ZNF407: variants seen among roughly 807,000 people sequenced by gnomAD.
ZNF407 encodes the protein zinc finger protein 407.
A neutral mutation model predicts 131.2 loss-of-function variants in ZNF407; 17 were observed. The ratio of observed to expected loss-of-function variants is 0.13; its 90% CI spans 0.09 to 0.19. The LOEUF is 0.19. Among genes scored for constraint, ZNF407 ranks in the 10% least tolerant of loss-of-function variants. The pLI is 1.00. For synonymous variants in ZNF407, 1,156 were observed against 1,062.0 expected (o/e 1.09, Z -1.72); for missense variants, 2,681 against 2,830.6 (o/e 0.95, Z 1.20).
chr18:74,823,030 T>A (rs1317553524), intron 4 of ZNF407, among the ~76,000 whole-genome samples: 3 of 152,220 alleles, frequency 2.0e-5, no homozygotes, highest in African/African-American at 7.2e-5. Flanking sequence ...TTTGTAGCGA[T>A]TGTGAATGGG....
intron 3 of ZNF407, among the ~76,000 whole-genome samples, chr18:74,705,129 G>A (rs946551385): frequency 3.4e-5 from 5 of 146,054 alleles, no homozygotes; most frequent in African/African-American, 1.3e-4. Flanking sequence ...TAGACATGGT[G>A]TTTTGACTTG....
At chr18:74,987,708 G>A (rs956407905) in intron 8 of ZNF407, among the ~76,000 whole-genome samples, 2 of 151,862 alleles carry the variant, frequency 1.3e-5, no homozygotes, top group Non-Finnish European at 2.9e-5. Context: ...AAAAAAAACT[G>A]GATTAGAATA....
intron 8 of ZNF407, among the ~76,000 whole-genome samples, chr18:74,961,048 T>C (rs953578593): frequency 1.4e-5 from 2 of 147,052 alleles, no homozygotes; most frequent in Non-Finnish European, 3.0e-5. Context: ...AGGTCCTGAG[T>C]GAGGACTGGG....
chr18:74,695,908 T>C (rs1397170662), intron 3 of ZNF407, among the ~76,000 whole-genome samples: 1 of 152,150 alleles, frequency 6.6e-6, no homozygotes, highest in African/African-American at 2.4e-5. Context: ...GAGACTACGG[T>C]GTAGTGTTTC....
intron 4 of ZNF407, among the ~76,000 whole-genome samples, chr18:74,867,318 C>T (rs1456112046): frequency 6.6e-6 from 1 of 152,138 alleles, no homozygotes; most frequent in Non-Finnish European, 1.5e-5. Flanking sequence ...TTTGACCTGG[C>T]ACGAATTGCT....
chr18:74,794,215 C>CT (rs1401245896), intron 4 of ZNF407, among the ~76,000 whole-genome samples: 2 of 152,166 alleles, frequency 1.3e-5, no homozygotes, highest in Non-Finnish European at 2.9e-5. Context: ...ATGATGTCAG[C>CT]GTCTTCACGT....
chr18:74,993,507 T>A (rs1972743404), intron 8 of ZNF407, among the ~76,000 whole-genome samples: 1 of 152,210 alleles, frequency 6.6e-6, no homozygotes, highest in South Asian at 2.1e-4. Context: ...TCAGGAAAAT[T>A]CTGAGGGTAA....
chr18:74,793,063 G>T (rs1969855446), intron 4 of ZNF407, among the ~76,000 whole-genome samples: 1 of 152,110 alleles, frequency 6.6e-6, no homozygotes. Context: ...TTTTGAGTTG[G>T]GCGTGTTCAG....
chr18:74,694,770 A>G (rs949681158), intron 3 of ZNF407, among the ~76,000 whole-genome samples: 5 of 152,070 alleles, frequency 3.3e-5, no homozygotes, highest in African/African-American at 1.2e-4. Flanking sequence ...TATTTTGTCC[A>G]GTTTTCTGGT....
At chr18:74,986,723 T>A (rs1972656200) in intron 8 of ZNF407, among the ~76,000 whole-genome samples, 1 of 152,206 alleles carries the variant, frequency 6.6e-6, no homozygotes, top group Non-Finnish European at 1.5e-5. Flanking sequence ...AGATTGTCCT[T>A]AGTTCTTAAA....
At chr18:74,988,653 AAAAT>A (rs996982497) in intron 8 of ZNF407, among the ~76,000 whole-genome samples, 23 of 151,698 alleles carry the variant, frequency 1.5e-4, no homozygotes, top group African/African-American at 3.9e-4. Context: ...AATAATAAAA[AAAAT>A]AAATAAACAA....
intron 4 of ZNF407, among the ~76,000 whole-genome samples, chr18:74,782,530 A>T (rs1969623090): frequency 6.7e-6 from 1 of 150,346 alleles, no homozygotes; most frequent in Admixed American, 6.6e-5. Context: ...CATATGTTTG[A>T]TTTCATCCCC....
Position 74,920,688 on chromosome 18 carries a change from T to C in ZNF407, c.5424T>C (p.His1808=). 1 of 1,602,008 alleles carries C rather than the reference T, an allele frequency of 6.2e-7. No individual in the cohort carries two copies. The highest frequency in any genetic ancestry group is 2.2e-5 in the East Asian group (1 of 44,498). The change falls in exon 8 of 9, where the codon CAT becomes CAC. Residue 1808 remains histidine, a synonymous_variant. Transcript: ENST00000299687. ...AAAACCCGGACCTCGCTTACCTGCA[T>C]GCTGGTAAGGGACAGAAACTGTGAA... is the stretch of plus-strand genomic sequence containing the variant. ...DIENPDLAYL[H]AGIVSKSYEC...
At chr18:74,720,854 A>T (rs1223835460) in intron 3 of ZNF407, among the ~76,000 whole-genome samples, 3 of 150,288 alleles carry the variant, frequency 2.0e-5, no homozygotes, top group Non-Finnish European at 4.4e-5. Context: ...GTCTGTTTTT[A>T]TGCTAGTACC....
At chr18:75,025,891 C>A (rs1229687545) in intron 8 of ZNF407, among the ~76,000 whole-genome samples, 1 of 152,162 alleles carries the variant, frequency 6.6e-6, no homozygotes. Flanking sequence ...TCAAATACTT[C>A]TTTTTTTAGT....
At chr18:74,639,505 G>A (rs1984611975) in intron 2 of ZNF407, among the ~76,000 whole-genome samples, 1 of 152,158 alleles carries the variant, frequency 6.6e-6, no homozygotes, top group Admixed American at 6.5e-5. Context: ...GGTTTTATCA[G>A]AATCATTTAA....
At chr18:74,613,659 T>C (rs1361152736) in intron 1 of ZNF407, among the ~76,000 whole-genome samples, 1 of 152,194 alleles carries the variant, frequency 6.6e-6, no homozygotes, top group African/African-American at 2.4e-5. Flanking sequence ...TTAAACAGAT[T>C]TGAGGCACTT....
intron 8 of ZNF407, among the ~76,000 whole-genome samples, chr18:74,963,449 G>A (rs1166282143): frequency 1.3e-5 from 2 of 152,106 alleles, no homozygotes; most frequent in African/African-American, 4.8e-5. Context: ...TAATCCTTAC[G>A]CCCTTGTTAC....
intron 8 of ZNF407, among the ~76,000 whole-genome samples, chr18:74,950,084 C>T (rs1175926438): frequency 6.6e-6 from 1 of 152,140 alleles, no homozygotes; most frequent in Non-Finnish European, 1.5e-5. Context: ...GGCCATAAGA[C>T]ATCCACTGAA....
Sources: allele counts gnomAD v4.1 joint callset (sites outside exome capture counted in the v4.1 genomes callset), GRCh38; gene constraint gnomAD v4.1.1; transcripts MANE v1.5; gene names NCBI Gene and HGNC (gene_info 2026-07-23, HGNC 2026-07-21).